The following ZBTB20 variants were observed in gnomAD, a reference collection of about 807,000 sequenced individuals.
ZBTB20 encodes zinc finger and BTB domain-containing protein 20.
Under a neutral mutation model 56.9 loss-of-function variants are expected in ZBTB20, and 9 were observed. The observed-to-expected ratio is 0.16, with a 90% CI of 0.10 to 0.28. The LOEUF is 0.28. ZBTB20 is among the 10% of genes least tolerant of loss of function. The pLI is 1.00. For synonymous variants in ZBTB20, 417 were observed against 420.7 expected (o/e 0.99, Z 0.11); for missense variants, 655 against 1,003.0 (o/e 0.65, Z 4.69).
Position 114,884,406 on chromosome 3 carries a change from C to T in ZBTB20, c.-417+15898G>A, listed in dbSNP as rs190329552. ...GTGTTTTTCAAATGTTCACAGTAGA[C>T]GGCCTACTTCCTTGTGCATTTTTTC... On this transcript the variant is annotated intron_variant, in intron 4 of 11. Coordinates refer to ENST00000675478, the MANE Select transcript of ZBTB20 (RefSeq NM_001348800.3). Among the ~76,000 whole-genome samples the T allele has an allele frequency of 9.0e-4, 137 of 152,270 alleles. 2 individuals carry two copies. Among genetic ancestry groups the T allele is most frequent in the African/African-American group, 2.6e-3 (108 of 41,538 alleles).
intron 3 of ZBTB20, among the ~76,000 whole-genome samples, chr3:114,970,677 G>A (rs1380627486): frequency 1.3e-5 from 2 of 152,066 alleles, no homozygotes; most frequent in African/African-American, 2.4e-5. Flanking sequence ...AGCCAATAAG[G>A]TCACAATCAA....
intron 6 of ZBTB20, among the ~76,000 whole-genome samples, chr3:114,656,250 C>T (rs1332604826): frequency 6.6e-6 from 1 of 152,130 alleles, no homozygotes; most frequent in East Asian, 1.9e-4. Flanking sequence ...AGTTTGAATA[C>T]AGTGCCTACA....
At chr3:114,779,709 A>C (rs763390266) in intron 5 of ZBTB20, among the ~76,000 whole-genome samples, 4 of 152,230 alleles carry the variant, frequency 2.6e-5, no homozygotes, top group Non-Finnish European at 5.9e-5. Context: ...GTGATGGAGA[A>C]ATGGTTGAGA....
chr3:114,393,993 T>C (rs2086117856), intron 7 of ZBTB20, among the ~76,000 whole-genome samples: 2 of 152,194 alleles, frequency 1.3e-5, no homozygotes, highest in Non-Finnish European at 2.9e-5. Flanking sequence ...AGATGTCTAC[T>C]TTGAGTATGG....
intron 2 of ZBTB20, among the ~76,000 whole-genome samples, chr3:114,991,235 G>C (rs1281849942): frequency 6.6e-6 from 1 of 151,930 alleles, no homozygotes; most frequent in African/African-American, 2.4e-5. Context: ...TTTCTCTTGT[G>C]GGCATTTGGT....
intron 4 of ZBTB20, among the ~76,000 whole-genome samples, chr3:114,805,775 C>T (rs546608990): frequency 1.4e-4 from 21 of 151,964 alleles, no homozygotes; most frequent in African/African-American, 4.8e-4. Flanking sequence ...TCCCTAGACC[C>T]AGACAACAAA....
In ZBTB20 at chr3:114,330,312, AG is replaced by A. The variant is rs2079204624; in HGVS notation, c.*8692del. 2 of 152,216 alleles carry A rather than the reference AG, an allele frequency of 1.3e-5. No homozygotes were observed. Among genetic ancestry groups the A allele is most frequent in the African/African-American group, 4.8e-5 (2 of 41,462 alleles). 9.4% of individuals were successfully genotyped at this position (152,216 alleles called of 1,614,324 possible). A position where few individuals can be genotyped will look rare whatever the true frequency, so the allele number is the denominator to read the frequency against. ...CAGCAGGTTGGTGATGGGTGATATA[AG>A]CAAAGACATAATATTTCAATCAACT... On this transcript the variant is annotated 3_prime_UTR_variant, in exon 12 of 12. Coordinates refer to ENST00000675478, the MANE Select transcript of ZBTB20 (RefSeq NM_001348800.3).
At chr3:114,836,389 T>C (rs2074121955) in intron 4 of ZBTB20, among the ~76,000 whole-genome samples, 1 of 152,194 alleles carries the variant, frequency 6.6e-6, no homozygotes, top group African/African-American at 2.4e-5. Flanking sequence ...AACAAGATGC[T>C]ACAAGATGTT....
At chr3:115,122,664 T>G (rs1264037050) in intron 1 of ZBTB20, among the ~76,000 whole-genome samples, 1 of 152,144 alleles carries the variant, frequency 6.6e-6, no homozygotes, top group Admixed American at 6.5e-5. Flanking sequence ...CATTTGTCTA[T>G]GAAGACTTTC....
At chr3:115,006,685 T>C (rs1392753337) in intron 2 of ZBTB20, among the ~76,000 whole-genome samples, 2 of 151,722 alleles carry the variant, frequency 1.3e-5, no homozygotes, top group Non-Finnish European at 2.9e-5. Context: ...CCTACCCCTA[T>C]CATGCACCTG....
At chr3:114,991,535 A>G (rs1019782261) in intron 2 of ZBTB20, among the ~76,000 whole-genome samples, 3 of 152,104 alleles carry the variant, frequency 2.0e-5, no homozygotes, top group Admixed American at 6.6e-5. Flanking sequence ...TATGTGGTCA[A>G]TTTTGGAATA....
chr3:114,345,908 A>T (rs1409080779), intron 11 of ZBTB20, among the ~76,000 whole-genome samples: 3 of 152,042 alleles, frequency 2.0e-5, no homozygotes, highest in Non-Finnish European at 4.4e-5. Flanking sequence ...TGAAGGGGGT[A>T]GAGGGGAGCA....
intron 10 of ZBTB20, among the ~76,000 whole-genome samples, chr3:114,360,680 A>G (rs898331447): frequency 6.6e-6 from 1 of 152,092 alleles, no homozygotes; most frequent in African/African-American, 2.4e-5. Context: ...GCCATGATAG[A>G]TAAGTTCACT....
At chr3:115,104,919 G>A (rs571069362) in intron 1 of ZBTB20, among the ~76,000 whole-genome samples, 1 of 152,140 alleles carries the variant, frequency 6.6e-6, no homozygotes, top group Non-Finnish European at 1.5e-5. Context: ...TGACTCTGGT[G>A]GGGGATATTG....
At chr3:114,840,782 T>C (rs2074352444) in intron 4 of ZBTB20, among the ~76,000 whole-genome samples, 1 of 152,134 alleles carries the variant, frequency 6.6e-6, no homozygotes, top group South Asian at 2.1e-4. Flanking sequence ...AGAGGAAGAA[T>C]ATAGGAATCA....
chr3:114,786,557 G>C lies in ZBTB20; in HGVS notation c.-343+14544C>G, dbSNP rs893707041. 2.0e-5 allele frequency among the ~76,000 whole-genome samples: 3 copies of C among 152,146 alleles called. No individual in the cohort carries two copies. In the South Asian group the frequency reaches 6.2e-4, roughly 32 times the overall value. ...GGAAAAAACAGAATTTCCAAGAGGA[G>C]TGGGGGAAAATAATAGTATCAGAAA... On this transcript the variant is annotated intron_variant, in intron 5 of 11. Coordinates refer to ENST00000675478, the MANE Select transcript of ZBTB20 (RefSeq NM_001348800.3).
intron 5 of ZBTB20, among the ~76,000 whole-genome samples, chr3:114,751,085 T>C (rs1429144848): frequency 1.3e-5 from 2 of 152,180 alleles, no homozygotes; most frequent in Non-Finnish European, 2.9e-5. Context: ...GTTCCTACTG[T>C]GTGTCAAACA....
At chr3:115,136,479 A>T (rs941770092) in intron 1 of ZBTB20, among the ~76,000 whole-genome samples, 1 of 152,140 alleles carries the variant, frequency 6.6e-6, no homozygotes, top group African/African-American at 2.4e-5. Context: ...TAAGTGTACT[A>T]TAATTCTAAA....
chr3:114,524,772 T>C (rs1028632191), intron 6 of ZBTB20, among the ~76,000 whole-genome samples: 1 of 152,102 alleles, frequency 6.6e-6, no homozygotes, highest in African/African-American at 2.4e-5. Flanking sequence ...GAGTGCACAG[T>C]CATGCCATCT....
Sources: gnomAD v4.1 joint callset for allele counts (sites outside exome capture counted in the v4.1 genomes callset) on GRCh38, gnomAD v4.1.1 for gene constraint, MANE v1.5 for transcripts, NCBI Gene and HGNC (gene_info 2026-07-23, HGNC 2026-07-21) for gene names.